ANKMY2: variants seen among roughly 807,000 people sequenced by gnomAD.
ANKMY2 encodes ankyrin repeat and MYND domain-containing protein 2.
A neutral mutation model predicts 50.4 loss-of-function variants in ANKMY2; 36 were observed. That is an observed-to-expected ratio of 0.71 (90% CI 0.55 to 0.94). The LOEUF (loss-of-function observed/expected upper bound fraction) is 0.94. Ranked by LOEUF, ANKMY2 falls within the 40% of genes least tolerant of loss-of-function variation. The probability of loss-of-function intolerance (pLI) is 0.00; values close to 1 mark genes in which losing one functional copy is unlikely to be tolerated. For missense variants in ANKMY2, 565 were observed against 524.0 expected, an observed-to-expected ratio of 1.08 and a Z score of -0.76; for synonymous variants, 187 against 178.8, an observed-to-expected ratio of 1.05 and a Z score of -0.36.
At chr7:16,620,100 A>C (rs943144020) in intron 4 of ANKMY2, among the ~76,000 whole-genome samples, 9 of 152,226 alleles carry the variant, frequency 5.9e-5, no homozygotes, top group African/African-American at 2.2e-4. Flanking sequence ...GGTGTCAAAG[A>C]ATATACAACC....
At position 16,644,803 on chromosome 7, in the gene ANKMY2, T is replaced by C. The variant is rs1376542443; in HGVS notation, c.67+704A>G. The C allele has an allele frequency of 6.6e-6, 3 of 456,284 alleles. No homozygotes were observed. In the East Asian group the frequency reaches 2.1e-4, roughly 33 times the overall value. 28.3% of individuals were successfully genotyped at this position (456,284 alleles called of 1,614,324 possible). A position where few individuals can be genotyped will look rare whatever the true frequency, so the allele number is the denominator to read the frequency against. On this transcript the variant is annotated intron_variant, in intron 1 of 9. Transcript: ENST00000306999. ...CCGCTGGGACTCAGCACTGCGGAAG[T>C]GGGGCACGCCTTGGGGGAGTGGACA...
intron 8 of ANKMY2, among the ~76,000 whole-genome samples, chr7:16,603,971 TATAA>T (rs926258465): frequency 6.6e-6 from 1 of 152,212 alleles, no homozygotes; most frequent in Non-Finnish European, 1.5e-5. Flanking sequence ...AATTAACCAA[TATAA>T]ATAGTTTGAT....
At chr7:16,617,206 T>C (rs991580609) in intron 4 of ANKMY2, among the ~76,000 whole-genome samples, 2 of 152,230 alleles carry the variant, frequency 1.3e-5, no homozygotes, top group African/African-American at 4.8e-5. Flanking sequence ...TCCCCACAGT[T>C]ACCTGTGTTG....
intron 7 of ANKMY2, among the ~76,000 whole-genome samples, chr7:16,606,552 C>T (rs1000439854): frequency 6.6e-6 from 1 of 152,112 alleles, no homozygotes; most frequent in Non-Finnish European, 1.5e-5. Context: ...GTTCTTTGTT[C>T]TGAGTTTTTC....
intron 2 of ANKMY2, among the ~76,000 whole-genome samples, 178 bp from the exon 3 acceptor site, chr7:16,627,356 T>C (rs536004737): frequency 6.6e-6 from 1 of 152,322 alleles, no homozygotes; most frequent in East Asian, 1.9e-4. Flanking sequence ...GAGGAAGAGA[T>C]GGTTTTATTA....
intron 1 of ANKMY2, chr7:16,644,507 T>C: frequency 3.1e-6 from 1 of 325,996 alleles, no homozygotes; most frequent in Non-Finnish European, 6.1e-6. Flanking sequence ...ACTAAGTAAA[T>C]AAAACTGGAA....
chr7:16,619,419 G>A (rs756358172), intron 4 of ANKMY2, among the ~76,000 whole-genome samples: 14 of 152,138 alleles, frequency 9.2e-5, no homozygotes, highest in Admixed American at 2.6e-4. Flanking sequence ...CTCCCAAAGT[G>A]CTGGGATTAC....
Position 16,619,841 on chromosome 7 carries a change from A to G in ANKMY2, c.371-3937T>C, listed in dbSNP as rs78491775. Among the ~76,000 whole-genome samples, 1,188 of 152,300 alleles carry G rather than the reference A, an allele frequency of 7.8e-3. 15 individuals carry two copies. The highest frequency in any genetic ancestry group is 0.027 in the African/African-American group (1,133 of 41,572). ...GTGATTAATAGGAACACACACATAC[A>G]ACAAGACGTATCCTTTTCAAATTTT... is the stretch of plus-strand genomic sequence containing the variant. On this transcript the variant is annotated intron_variant, in intron 4 of 9. Transcript: ENST00000306999.
intron 4 of ANKMY2, among the ~76,000 whole-genome samples, chr7:16,616,629 C>G (rs1413782666): frequency 6.6e-6 from 1 of 152,184 alleles, no homozygotes; most frequent in Non-Finnish European, 1.5e-5. Context: ...AGTGGCCACT[C>G]TGGGCAAGCA....
At chr7:16,640,307 T>G (rs1781727152) in intron 1 of ANKMY2, among the ~76,000 whole-genome samples, 1 of 152,142 alleles carries the variant, frequency 6.6e-6, no homozygotes, top group South Asian at 2.1e-4. Flanking sequence ...ATATAAGCCT[T>G]TATTAGATCT....
chr7:16,645,439 G>GC, intron 1 of ANKMY2, 68 bp downstream of exon 1: 5 of 1,472,600 alleles, frequency 3.4e-6, no homozygotes, highest in South Asian at 1.3e-5. Context: ...GGCCAGGAGC[G>GC]CCCCCCGGGC....
chr7:16,630,407 C>A (rs761552252), intron 2 of ANKMY2, among the ~76,000 whole-genome samples: 3 of 152,104 alleles, frequency 2.0e-5, no homozygotes, highest in Non-Finnish European at 4.4e-5. Context: ...CAAAGATAAC[C>A]TTGTAGGTAG....
intron 3 of ANKMY2, 86 bp from the exon 4 acceptor site, chr7:16,625,167 C>T (rs1781492332): frequency 3.0e-6 from 3 of 987,660 alleles, no homozygotes; most frequent in South Asian, 1.6e-5. Context: ...ACCCTTTATT[C>T]CCCCAGTTAG....
At position 16,645,508 on chromosome 7, in the gene ANKMY2, T is replaced by C. The variant is rs761321721; in HGVS notation, c.66A>G (p.Lys22=). The change falls in exon 1 of 10, where the codon AAA becomes AAG. Residue 22 remains lysine, a splice_region_variant and synonymous_variant. Transcript: ENST00000306999. ...CGCGTCGCAGCCCAGCACCCGTACC[T>C]TTCCCGATGACTTCCAGTAGCTCCT... ...EEKELLEVIG[K]GTVQEAGTLL... The C allele has an allele frequency of 1.2e-6, 2 of 1,610,668 alleles. No individual in the cohort carries two copies. The highest frequency in any genetic ancestry group is 1.7e-6 in the Non-Finnish European group (2 of 1,178,530).
In ANKMY2 at chr7:16,602,436, T is replaced by C; in HGVS notation, c.1085A>G (p.Asp362Gly). 6.2e-7 allele frequency: 1 copy of C among 1,613,998 alleles called. No homozygotes were observed. Among genetic ancestry groups the C allele is most frequent in the Non-Finnish European group, 8.5e-7 (1 of 1,180,008 alleles). Residue 362 changes from aspartate to glycine, a missense_variant, in exon 9 of 10, where the codon GAC (aspartate) becomes GGC (glycine). Transcript: ENST00000306999. Reference sequence around the variant, plus strand: ...CTCCAACTGTTGCTTTTCGTAAATGTCCTTCAGATTCTTACAGATTTTCTT... The same window carrying C: ...CTCCAACTGTTGCTTTTCGTAAATGCCCTTCAGATTCTTACAGATTTTCTT... ...THKKICKNLK[D>G]IYEKQQLEAA...
At chr7:16,623,853 C>T (rs1225020307) in intron 4 of ANKMY2, among the ~76,000 whole-genome samples, 1 of 152,100 alleles carries the variant, frequency 6.6e-6, no homozygotes. Context: ...ACAGAAAAAG[C>T]TGTCATAAAG....
chr7:16,634,592 G>A (rs752061947), intron 2 of ANKMY2, among the ~76,000 whole-genome samples: 2 of 152,158 alleles, frequency 1.3e-5, no homozygotes, highest in African/African-American at 2.4e-5. Context: ...ATCAACACAC[G>A]CGTATGTGGA....
At chr7:16,628,087 G>A (rs1414429706) in intron 2 of ANKMY2, among the ~76,000 whole-genome samples, 2 of 152,158 alleles carry the variant, frequency 1.3e-5, no homozygotes, top group African/African-American at 4.8e-5. Context: ...TATGTACTAG[G>A]CACTACTATT....
chr7:16,638,843 C>T (rs1461483811), intron 1 of ANKMY2, among the ~76,000 whole-genome samples: 1 of 119,458 alleles, frequency 8.4e-6, no homozygotes, highest in Non-Finnish European at 1.7e-5. Flanking sequence ...AATATTAGAA[C>T]AATAGATGCA....
Sources: gnomAD v4.1 joint callset for allele counts (sites outside exome capture counted in the v4.1 genomes callset) on GRCh38, gnomAD v4.1.1 for gene constraint, MANE v1.5 for transcripts, NCBI Gene and HGNC (gene_info 2026-07-23, HGNC 2026-07-21) for gene names.